RICTOR: variants seen among roughly 807,000 people sequenced by gnomAD.
RICTOR encodes RPTOR independent companion of MTOR complex 2, also known as rapamycin-insensitive companion of mTOR.
Under a neutral mutation model 214.9 loss-of-function variants are expected in RICTOR, and 49 were observed. The observed-to-expected ratio is 0.23, with a 90% CI of 0.18 to 0.29. RICTOR has a LOEUF of 0.29. RICTOR is among the 10% of genes least tolerant of loss of function. The pLI is 1.00. For missense variants in RICTOR, 1,625 were observed against 2,047.0 expected (o/e 0.79, Z 3.98); for synonymous variants, 717 against 711.3 (o/e 1.01, Z -0.13).
chr5:39,065,074 T>G (rs1406216381), intron 2 of RICTOR, among the ~76,000 whole-genome samples: 1 of 152,162 alleles, frequency 6.6e-6, no homozygotes, highest in Admixed American at 6.5e-5. Flanking sequence ...CTTGCATTGT[T>G]ACAAAGAAAC....
At chr5:39,018,077 A>G (rs1482475309) in intron 3 of RICTOR, among the ~76,000 whole-genome samples, 1 of 152,116 alleles carries the variant, frequency 6.6e-6, no homozygotes, top group East Asian at 1.9e-4. Context: ...CCAAAGACCC[A>G]TTCTGTTTTC....
intron 3 of RICTOR, among the ~76,000 whole-genome samples, chr5:39,016,965 A>T (rs1479970475): frequency 6.6e-6 from 1 of 152,222 alleles, no homozygotes; most frequent in Non-Finnish European, 1.5e-5. Context: ...CTTAATAAAA[A>T]TATTAAAGTT....
intron 8 of RICTOR, among the ~76,000 whole-genome samples, chr5:38,980,238 GT>G (rs1161437942): frequency 6.6e-6 from 1 of 151,274 alleles, no homozygotes; most frequent in East Asian, 1.9e-4. Context: ...TCTATGGATT[GT>G]TTTTTTTCTT....
intron 3 of RICTOR, among the ~76,000 whole-genome samples, chr5:39,020,322 T>A (rs1755315491): frequency 6.6e-6 from 1 of 152,106 alleles, no homozygotes; most frequent in Non-Finnish European, 1.5e-5. Context: ...TACGGAGAAA[T>A]CTTTCGTGAC....
intron 35 of RICTOR, 150 bp downstream of exon 35, chr5:38,944,763 A>T: frequency 1.2e-6 from 1 of 844,842 alleles, no homozygotes; most frequent in Non-Finnish European, 1.9e-6. Context: ...ATATAGGTGC[A>T]ATAATTAACA....
chr5:38,946,825 C>A (rs780815469), intron 32 of RICTOR, among the ~76,000 whole-genome samples: 2 of 152,088 alleles, frequency 1.3e-5, no homozygotes, highest in African/African-American at 2.4e-5. Context: ...GTACTATATA[C>A]CATCTAGAGA....
At position 38,940,389 on chromosome 5, in the gene RICTOR, A is replaced by G. The variant is rs1330061575; in HGVS notation, c.*1915T>C. 1 of 232,260 alleles carries G rather than the reference A, an allele frequency of 4.3e-6. No individual in the cohort carries two copies. The highest frequency in any genetic ancestry group is 6.1e-5 in the East Asian group (1 of 16,364). 14.4% of individuals were successfully genotyped at this position (232,260 alleles called of 1,614,324 possible). A position where few individuals can be genotyped will look rare whatever the true frequency, so the allele number is the denominator to read the frequency against. The stretch of plus-strand genomic sequence containing the variant: ...ATCCCATTATGAATAAGATTACATT[A>G]CTTCCTTTGGAGGTTTTAACCACTA... On this transcript the variant is annotated 3_prime_UTR_variant, in exon 38 of 38. Coordinates refer to ENST00000357387, the MANE Select transcript of RICTOR (RefSeq NM_152756.5).
intron 2 of RICTOR, among the ~76,000 whole-genome samples, chr5:39,071,532 G>C (rs1759322902): frequency 6.6e-6 from 1 of 152,160 alleles, no homozygotes; most frequent in African/African-American, 2.4e-5. Flanking sequence ...TTAAGAACTA[G>C]CTCATTTACT....
intron 9 of RICTOR, among the ~76,000 whole-genome samples, chr5:38,976,345 G>A (rs925036672): frequency 1.3e-5 from 2 of 151,392 alleles, no homozygotes; most frequent in Non-Finnish European, 2.9e-5. Flanking sequence ...AATTTTTAAT[G>A]GTTGTGAGCA....
chr5:38,950,198 C>G lies in RICTOR; in HGVS notation c.3650G>C (p.Ser1217Thr). The G allele has an allele frequency of 1.9e-6, 3 of 1,613,494 alleles. No individual in the cohort carries two copies. Among genetic ancestry groups the G allele is most frequent in the Non-Finnish European group, 2.5e-6 (3 of 1,179,650 alleles). The change falls in exon 31 of 38, where the codon AGC becomes ACC. Residue 1217 changes from serine to threonine, a missense_variant. Physicochemically the swap from Ser to Thr is moderately conservative, Grantham distance 58. Around this residue, in one of 5 missense-constraint regions of RICTOR, gnomAD observed 1,214 missense variants for 1,470.5 expected, o/e 0.83. Transcript: ENST00000357387. ...TGTAGTGTCTGTATTGAAACTTTGG[C>G]TACGTATCTTCATATGTGAGCTCGT... ...SSTSSHMKIRSQSFNTDTTTS... is the reference protein window; with the variant it reads ...SSTSSHMKIRTQSFNTDTTTS...
chr5:39,070,232 G>A (rs1429558986), intron 2 of RICTOR, among the ~76,000 whole-genome samples: 1 of 152,126 alleles, frequency 6.6e-6, no homozygotes, highest in African/African-American at 2.4e-5. Context: ...TTGGGAGGCC[G>A]AGGCGGGTGG....
At chr5:39,034,149 T>C (rs1177171971) in intron 2 of RICTOR, among the ~76,000 whole-genome samples, 1 of 152,252 alleles carries the variant, frequency 6.6e-6, no homozygotes. Context: ...ACTTCTGCGA[T>C]TGTCTTAAAA....
Position 38,946,652 on chromosome 5 carries a change from C to T in RICTOR, c.4315-100G>A, listed in dbSNP as rs1437069682. The T allele has an allele frequency of 3.2e-5, 23 of 726,102 alleles. No individual in the cohort carries two copies. In the Admixed American group the frequency reaches 5.0e-4, roughly 16 times the overall value. The allele number at this position is 726,102 out of a possible 1,614,324, so 45.0% of individuals were successfully genotyped here. A position where few individuals can be genotyped will look rare whatever the true frequency, so the allele number is the denominator to read the frequency against. The stretch of plus-strand genomic sequence containing the variant: ...CAAAATAAAATTAAAATAGAATTAC[C>T]ATAGCATATGAACCTATAATCAAGT... On this transcript the variant is annotated intron_variant, in intron 32 of 37. Coordinates refer to ENST00000357387, the MANE Select transcript of RICTOR (RefSeq NM_152756.5).
intron 6 of RICTOR, 101 bp downstream of exon 6, chr5:38,996,718 T>C (rs1753204087): frequency 1.5e-6 from 1 of 660,926 alleles, no homozygotes; most frequent in South Asian, 2.1e-5. Flanking sequence ...AAAAGTTTAG[T>C]CTTTAATCTT....
At chr5:39,073,204 C>G (rs1275784049) in intron 2 of RICTOR, among the ~76,000 whole-genome samples, 1 of 152,168 alleles carries the variant, frequency 6.6e-6, no homozygotes, top group Non-Finnish European at 1.5e-5. Flanking sequence ...GGGTTACACT[C>G]CAAGCTACAG....
chr5:38,983,773 C>T (rs1242199476), intron 7 of RICTOR, among the ~76,000 whole-genome samples: 1 of 151,896 alleles, frequency 6.6e-6, no homozygotes, highest in Non-Finnish European at 1.5e-5. Context: ...ACATCCTGGC[C>T]AACATGGTGA....
Position 38,945,071 on chromosome 5 carries a change from GA to G in RICTOR, c.4634-4del. ...AGAATATGGAATATCTTGAAAGTCT[GA>G]AGAAAAAAATAATTATTTCAATTAA... On this transcript the variant is annotated splice_region_variant and splice_polypyrimidine_tract_variant and intron_variant, in intron 34 of 37. Coordinates refer to ENST00000357387, the MANE Select transcript of RICTOR (RefSeq NM_152756.5). 6.3e-7 allele frequency: 1 copy of G among 1,579,906 alleles called. No individual in the cohort carries two copies. Among genetic ancestry groups the G allele is most frequent in the Non-Finnish European group, 8.6e-7 (1 of 1,159,296 alleles).
intron 2 of RICTOR, among the ~76,000 whole-genome samples, chr5:39,047,635 G>C (rs1358358617): frequency 6.6e-6 from 1 of 152,048 alleles, no homozygotes; most frequent in Non-Finnish European, 1.5e-5. Context: ...ATTTCTTTTA[G>C]GAAAAACATA....
chr5:39,034,177 T>A (rs147411498), intron 2 of RICTOR, among the ~76,000 whole-genome samples: 1 of 152,264 alleles, frequency 6.6e-6, no homozygotes, highest in South Asian at 2.1e-4. Context: ...AAAAGCCATG[T>A]CTTTAATTGG....
Sources: allele counts gnomAD v4.1 joint callset (sites outside exome capture counted in the v4.1 genomes callset), GRCh38; gene constraint gnomAD v4.1.1; regional missense constraint gnomAD v4.1.1; transcripts MANE v1.5; gene names NCBI Gene and HGNC (gene_info 2026-07-23, HGNC 2026-07-21).